The following GLT6D1 variants were observed in gnomAD, a reference collection of about 807,000 sequenced individuals.
The protein encoded by GLT6D1 is putative glycosyltransferase 6 domain-containing protein 1.
A neutral mutation model predicts 12.3 loss-of-function variants in GLT6D1; 9 were observed. That is an observed-to-expected ratio of 0.73 (90% CI 0.44 to 1.27). The LOEUF is 1.27. Among genes scored for constraint, GLT6D1 ranks in the 50% most tolerant of loss-of-function variants. The pLI, the probability that GLT6D1 is intolerant of heterozygous loss-of-function variation, is 0.00. For missense variants in GLT6D1, 335 were observed against 346.2 expected (o/e 0.97, Z 0.26); for synonymous variants, 128 against 132.3 (o/e 0.97, Z 0.23).
chr9:135,633,469 G>A (rs951284692), intron 2 of GLT6D1, among the ~76,000 whole-genome samples: 16 of 151,866 alleles, frequency 1.1e-4, no homozygotes, highest in African/African-American at 3.4e-4. Context: ...GGGCCAGGCT[G>A]GTCTCAAACT....
chr9:135,624,049 TGGA>T lies in GLT6D1; in HGVS notation c.*45_*47del. On this transcript the variant is annotated 3_prime_UTR_variant, in exon 5 of 5. Coordinates refer to ENST00000371763, the MANE Select transcript of GLT6D1 (RefSeq NM_182974.3). ...GTGCGACCTTGACGTATTGGATCTG[TGGA>T]GGAGGAGAAAATGCAAGATCCCAGC... The T allele has an allele frequency of 8.5e-7, 1 of 1,170,670 alleles. No homozygotes were observed. Among genetic ancestry groups the T allele is most frequent in the Non-Finnish European group, 1.3e-6 (1 of 795,302 alleles). 72.5% of individuals were successfully genotyped at this position (1,170,670 alleles called of 1,614,324 possible).
At chr9:135,625,933 G>T in intron 4 of GLT6D1, 136 bp downstream of exon 4, 1 of 973,868 alleles carries the variant, frequency 1.0e-6, no homozygotes, top group Non-Finnish European at 1.5e-6. Context: ...AGGTAAGTTT[G>T]TTTCTCCCCA....
In GLT6D1 at chr9:135,626,131, G is replaced by T. The variant is rs199945021; in HGVS notation, c.195C>A (p.Val65=). ...VLWEGTFDRR[V]LEKHYRRRNI... ...TCCGCCTTCTGTAATGTTTTTCCAG[G>T]ACCCGCCTGTCGAAAGTCCCTTCCC... Residue 65 remains valine, a synonymous_variant, in exon 4 of 5, where the codon GTC becomes GTA. Coordinates refer to ENST00000371763, the MANE Select transcript of GLT6D1 (RefSeq NM_182974.3). 2.5e-6 allele frequency: 4 copies of T among 1,613,934 alleles called. No individual in the cohort carries two copies. The highest frequency in any genetic ancestry group is 4.5e-5 in the East Asian group (2 of 44,886).
chr9:135,631,317 A>T, intron 3 of GLT6D1, 114 bp downstream of exon 3: 2 of 835,632 alleles, frequency 2.4e-6, no homozygotes, highest in Non-Finnish European at 4.1e-6. Flanking sequence ...TAAAACTCCA[A>T]TTCTGGAAAC....
At chr9:135,629,933 A>G (rs188841588) in intron 3 of GLT6D1, among the ~76,000 whole-genome samples, 176 of 152,110 alleles carry the variant, frequency 1.2e-3, no homozygotes, top group Non-Finnish European at 2.2e-3. Flanking sequence ...TGCTGTTTGT[A>G]TGGTATACAC....
At chr9:135,634,066 A>G (rs775468737) in intron 2 of GLT6D1, among the ~76,000 whole-genome samples, 7 of 152,174 alleles carry the variant, frequency 4.6e-5, no homozygotes, top group Non-Finnish European at 8.8e-5. Context: ...CTTTTCATTA[A>G]GGTACAATCC....
Position 135,631,481 on chromosome 9 carries a change from G to A in GLT6D1, c.72-3C>T, listed in dbSNP as rs1336567373. The A allele has an allele frequency of 6.2e-7, 1 of 1,605,810 alleles. No individual in the cohort carries two copies. Among genetic ancestry groups the A allele is most frequent in the Non-Finnish European group, 8.5e-7 (1 of 1,172,484 alleles). On this transcript the variant is annotated splice_polypyrimidine_tract_variant and splice_region_variant and intron_variant, in intron 2 of 4. Transcript: ENST00000371763. The stretch of plus-strand genomic sequence containing the variant: ...GAAGTTCTTCTACTTGGTGATTCCT[G>A]GATACAAAGAGAAAATCAAGTGATT...
intron 3 of GLT6D1, 89 bp downstream of exon 3, chr9:135,631,342 G>T: frequency 9.6e-7 from 1 of 1,040,844 alleles, no homozygotes; most frequent in Non-Finnish European, 1.5e-6. Context: ...CAGGAGAGCT[G>T]AATTTGGTGA....
chr9:135,625,466 C>A (rs570344784), intron 4 of GLT6D1, among the ~76,000 whole-genome samples: 1 of 152,244 alleles, frequency 6.6e-6, no homozygotes, highest in East Asian at 1.9e-4. Flanking sequence ...ACTTAAATAG[C>A]CAATGCCTGC....
intron 2 of GLT6D1, among the ~76,000 whole-genome samples, chr9:135,637,396 G>T (rs1833800378): frequency 1.3e-5 from 2 of 151,346 alleles, no homozygotes; most frequent in South Asian, 2.1e-4. Context: ...TAATCAGTTG[G>T]CTACATGCCT....
intron 1 of GLT6D1, 34 bp downstream of exon 1, chr9:135,639,259 A>T (rs878888592): frequency 1.1e-6 from 1 of 894,592 alleles, no homozygotes; most frequent in East Asian, 2.6e-5. Flanking sequence ...TCATCATCTA[A>T]CAATGGGTTA....
At position 135,639,128 on chromosome 9, in the gene GLT6D1, C is replaced by G; in HGVS notation, c.60G>C (p.Glu20Asp). Reference sequence around the variant, plus strand: ...TACTTTATATTTACCTGAAATAACGCTCAACCAACATCAGTGAAAAAGCAA... The same window carrying G: ...TACTTTATATTTACCTGAAATAACGGTCAACCAACATCAGTGAAAAAGCAA... ...VLFAFSLMLV[E>D]RYFRNHQVEE... Residue 20 changes from glutamate to aspartate, a missense_variant, in exon 2 of 5, where the codon GAG becomes GAC. Physicochemically the swap from Glu to Asp is conservative, Grantham distance 45. Transcript: ENST00000371763. 1 of 1,565,128 alleles carries G rather than the reference C, an allele frequency of 6.4e-7. No individual in the cohort carries two copies. Among genetic ancestry groups the G allele is most frequent in the South Asian group, 1.1e-5 (1 of 89,584 alleles).
At chr9:135,629,842 AT>A (rs989437330) in intron 3 of GLT6D1, among the ~76,000 whole-genome samples, 30 of 151,524 alleles carry the variant, frequency 2.0e-4, no homozygotes, top group African/African-American at 4.8e-4. Flanking sequence ...AAAATGCCCC[AT>A]TTTTTTTCTC....
rs554621638 is a variant in GLT6D1, at chr9:135,628,063, A to G, written c.120-1857T>C. 9.2e-5 allele frequency among the ~76,000 whole-genome samples: 14 copies of G among 152,194 alleles called. No homozygotes were observed. The East Asian group carries it at 2.7e-3, about 29-fold the overall frequency. On this transcript the variant is annotated intron_variant, in intron 3 of 4. Coordinates refer to ENST00000371763, the MANE Select transcript of GLT6D1 (RefSeq NM_182974.3). ...ATTTTGTTGTTTAATGATAAGAATT[A>G]TTTATATATTCTGGATATTAGGCCC...
chr9:135,641,113 G>C (rs1833883348), upstream of GLT6D1, among the ~76,000 whole-genome samples: 1 of 152,186 alleles, frequency 6.6e-6, no homozygotes. Context: ...CCTTGGGTTA[G>C]AGTGATGCAA....
chr9:135,640,536 T>A (rs1588208795), upstream of GLT6D1, among the ~76,000 whole-genome samples: 1 of 151,790 alleles, frequency 6.6e-6, no homozygotes, highest in African/African-American at 2.4e-5. Flanking sequence ...AGGACCAACA[T>A]GGTGAGACCC....
intron 3 of GLT6D1, 78 bp downstream of exon 3, chr9:135,631,353 C>T (rs1833642687): frequency 8.8e-7 from 1 of 1,138,300 alleles, no homozygotes; most frequent in African/African-American, 1.5e-5. Context: ...AATTTGGTGA[C>T]TGGGGAAGAA....
intron 3 of GLT6D1, among the ~76,000 whole-genome samples, chr9:135,629,150 G>C (rs1302051667): frequency 6.6e-6 from 1 of 151,848 alleles, no homozygotes; most frequent in South Asian, 2.1e-4. Flanking sequence ...AGTGTATAAA[G>C]TTTAAGACCA....
chr9:135,629,131 AT>A (rs1833581531), intron 3 of GLT6D1, among the ~76,000 whole-genome samples: 1 of 151,692 alleles, frequency 6.6e-6, no homozygotes, highest in African/African-American at 2.4e-5. Flanking sequence ...TAATGTATAA[AT>A]TTTCCTTAGT....
Sources: gnomAD v4.1 joint callset for allele counts (sites outside exome capture counted in the v4.1 genomes callset) on GRCh38, gnomAD v4.1.1 for gene constraint, MANE v1.5 for transcripts, NCBI Gene and HGNC (gene_info 2026-07-23, HGNC 2026-07-21) for gene names.